NRDC: variants seen among roughly 807,000 people sequenced by gnomAD.
NRDC encodes the protein nardilysin.
NRDC carries 54 observed loss-of-function variants against 147.1 expected under a neutral mutation model. The observed-to-expected ratio is 0.37, with a 90% confidence interval of 0.29 to 0.46. The LOEUF is 0.46. Ranked by LOEUF, NRDC falls within the 20% of genes least tolerant of loss-of-function variation. The pLI is 1.00. For synonymous variants in NRDC, 440 were observed against 482.1 expected (o/e 0.91, Z 1.14); for missense variants, 1,082 against 1,370.6 (o/e 0.79, Z 3.33).
rs80119187 is a variant in NRDC at position 51,857,705 on chromosome 1, C to G, written c.342-17191G>C. Among the ~76,000 whole-genome samples the G allele has an allele frequency of 9.4e-3, 1,436 of 152,240 alleles. 24 individuals carry two copies. The highest frequency in any genetic ancestry group is 0.033 in the African/African-American group (1,369 of 41,536). Reference sequence around the variant, plus strand: ...GACTGGATCCATGATTGGATTGGATCTGATAATTAACTGACTTGGATTCAG... The same window carrying G: ...GACTGGATCCATGATTGGATTGGATGTGATAATTAACTGACTTGGATTCAG... On this transcript the variant is annotated intron_variant, in intron 1 of 30. Transcript: ENST00000352171.
chr1:51,858,832 A>G (rs761835177), intron 1 of NRDC, among the ~76,000 whole-genome samples: 1 of 152,200 alleles, frequency 6.6e-6, no homozygotes, highest in Non-Finnish European at 1.5e-5. Context: ...CTCTTCTGTA[A>G]AAGAAATTTA....
At chr1:51,811,269 A>G (rs943245704) in intron 15 of NRDC, among the ~76,000 whole-genome samples, 7 of 152,190 alleles carry the variant, frequency 4.6e-5, no homozygotes, top group African/African-American at 1.7e-4. Context: ...TAATTTCTTA[A>G]TCTCAGCACT....
Position 51,789,447 on chromosome 1 carries a change from A to G in NRDC, c.3259-14T>C. Reference sequence around the variant, plus strand: ...ATATCCAACAACCTGAAAGAGGACAAAGACAAAAGTGAAAAATATGCTGAC... The same window carrying G: ...ATATCCAACAACCTGAAAGAGGACAGAGACAAAAGTGAAAAATATGCTGAC... On this transcript the variant is annotated splice_polypyrimidine_tract_variant and intron_variant, in intron 30 of 30. Coordinates refer to ENST00000352171, the MANE Select transcript of NRDC (RefSeq NM_001101662.2). The G allele has an allele frequency of 6.2e-7, 1 of 1,613,646 alleles. No homozygotes were observed. The highest frequency in any genetic ancestry group is 8.5e-7 in the Non-Finnish European group (1 of 1,179,568).
chr1:51,789,314 A>G lies in NRDC; in HGVS notation c.3378T>C (p.Asp1126=), dbSNP rs1335845719. 1.9e-6 allele frequency: 3 copies of G among 1,614,162 alleles called. No homozygotes were observed. The highest frequency in any genetic ancestry group is 2.5e-6 in the Non-Finnish European group (3 of 1,180,004). The change falls in exon 31 of 31, where the codon GAT becomes GAC. Residue 1126 remains aspartate, a synonymous_variant. Coordinates refer to ENST00000352171, the MANE Select transcript of NRDC (RefSeq NM_001101662.2). ...TYLPTSPLLA[D]CIIPITDIRA... ...TGATATCAGTAATGGGGATGATACA[A>G]TCTGCCAGCAGAGGAGAGGTTGGCA...
At position 51,819,886 on chromosome 1, in the gene NRDC, C is replaced by G. The variant is rs775310812; in HGVS notation, c.1218-13G>C. On this transcript the variant is annotated splice_polypyrimidine_tract_variant and intron_variant, in intron 8 of 30. Transcript: ENST00000352171. ...TCTGGGTAACCCACTGAAAATAAAA[C>G]AAATACATACAAATTTAACTGGCAA... The G allele has an allele frequency of 6.3e-7, 1 of 1,590,508 alleles. No homozygotes were observed. Among genetic ancestry groups the G allele is most frequent in the Non-Finnish European group, 8.6e-7 (1 of 1,163,832 alleles).
At chr1:51,846,376 A>C (rs2897255) in intron 1 of NRDC, among the ~76,000 whole-genome samples, 1,545 of 152,322 alleles carry the variant, frequency 0.01, 27 homozygotes, top group African/African-American at 0.036. Flanking sequence ...GGTCTCCCAA[A>C]GTGCAGGAAT....
chr1:51,846,432 A>G (rs922046795), intron 1 of NRDC, among the ~76,000 whole-genome samples: 1 of 152,178 alleles, frequency 6.6e-6, no homozygotes, highest in Non-Finnish European at 1.5e-5. Flanking sequence ...ATAATTCTTA[A>G]AACATTTTCA....
At chr1:51,799,371 T>C (rs1679082694) in intron 21 of NRDC, among the ~76,000 whole-genome samples, 1 of 147,120 alleles carries the variant, frequency 6.8e-6, no homozygotes, top group African/African-American at 2.5e-5. Context: ...CAACAGGCCC[T>C]GGTGTGTGAT....
At position 51,814,082 on chromosome 1, in the gene NRDC, C is replaced by A; in HGVS notation, c.1627G>T (p.Glu543Ter). Residue 543 changes from glutamate to a stop codon, truncating the protein, a stop_gained, in exon 14 of 31, where the codon GAA becomes TAA. Coordinates refer to ENST00000352171, the MANE Select transcript of NRDC (RefSeq NM_001101662.2). LOFTEE classifies it high-confidence loss of function. ...TTATCCTCAATTTTCCGAATCTCTTCAAAAATTCTGTGAAGGAGAAAACTA... is the reference window on the plus strand; with the variant it reads ...TTATCCTCAATTTTCCGAATCTCTTAAAAAATTCTGTGAAGGAGAAAACTA... ...QKLGPEKRIFEEIRKIEDNEF... is the reference protein window; with the variant it reads ...QKLGPEKRIF The A allele has an allele frequency of 6.3e-7, 1 of 1,595,504 alleles. No homozygotes were observed. Among genetic ancestry groups the A allele is most frequent in the South Asian group, 1.1e-5 (1 of 90,332 alleles).
At chr1:51,847,842 CT>C (rs1681728821) in intron 1 of NRDC, among the ~76,000 whole-genome samples, 1 of 152,238 alleles carries the variant, frequency 6.6e-6, no homozygotes, top group African/African-American at 2.4e-5. Flanking sequence ...TGAAGAGCCC[CT>C]CAAGCACAGC....
rs1311138547 is a variant in NRDC, at chr1:51,803,904, A to G, written c.2223T>C (p.Tyr741=). ...ILTHNLAEPA[Y]EADVAQLEYK... is the part of the protein sequence containing the mutation. ...ACTCCAGCTGTGCCACATCTGCTTC[A>G]TAAGCTGGTTCCGCAAGGTTATGCG... The change falls in exon 20 of 31, where the codon TAT becomes TAC. Residue 741 remains tyrosine (Y), a synonymous_variant. Coordinates refer to ENST00000352171, the MANE Select transcript of NRDC (RefSeq NM_001101662.2). The G allele has an allele frequency of 1.2e-5, 19 of 1,613,748 alleles. No individual in the cohort carries two copies. The Admixed American group carries it at 2.5e-4, about 21-fold the overall frequency.
intron 8 of NRDC, 82 bp from the exon 9 acceptor site, chr1:51,819,955 T>C (rs1680140012): frequency 3.8e-6 from 4 of 1,042,942 alleles, no homozygotes; most frequent in East Asian, 5.1e-5. Flanking sequence ...AACTGAGAGA[T>C]ATTTATAATC....
intron 1 of NRDC, among the ~76,000 whole-genome samples, chr1:51,848,558 A>G (rs35026756): frequency 0.045 from 6,860 of 152,234 alleles, 191 homozygotes; most frequent in Middle Eastern, 0.065. Flanking sequence ...TATTACCTAG[A>G]ACAAGAGAAT....
chr1:51,790,243 CA>C (rs1557893396), intron 29 of NRDC, among the ~76,000 whole-genome samples: 1 of 152,180 alleles, frequency 6.6e-6, no homozygotes, highest in Non-Finnish European at 1.5e-5. Context: ...CTTTAAACGG[CA>C]AAACTCTTTT....
chr1:51,875,445 T>C (rs914493135), intron 1 of NRDC, among the ~76,000 whole-genome samples: 2 of 152,276 alleles, frequency 1.3e-5, no homozygotes, highest in African/African-American at 4.8e-5. Context: ...TTAAGCATTA[T>C]CTACTCTTTG....
intron 1 of NRDC, among the ~76,000 whole-genome samples, chr1:51,845,168 TG>T (rs915404600): frequency 1.3e-5 from 2 of 152,238 alleles, no homozygotes; most frequent in African/African-American, 4.8e-5. Context: ...ACTTTATTGT[TG>T]TTTCCTAAAC....
chr1:51,874,145 T>TAAA (rs539045743), intron 1 of NRDC, among the ~76,000 whole-genome samples: 1 of 129,168 alleles, frequency 7.7e-6, no homozygotes, highest in African/African-American at 2.8e-5. Flanking sequence ...TTTTAATCAT[T>TAAA]AAAAAAAAAA....
intron 25 of NRDC, 132 bp downstream of exon 25, chr1:51,792,245 C>T (rs1010380463): frequency 4.5e-6 from 6 of 1,320,434 alleles, no homozygotes; most frequent in African/African-American, 2.9e-5. Flanking sequence ...TGGGTGAGAA[C>T]AGTAAATGAC....
intron 1 of NRDC, among the ~76,000 whole-genome samples, chr1:51,846,315 T>C (rs1008275485): frequency 2.0e-5 from 3 of 152,134 alleles, no homozygotes; most frequent in Non-Finnish European, 4.4e-5. Context: ...GTTTTCACCA[T>C]GTTGGCCAGG....
Sources: gnomAD v4.1 joint callset for allele counts (sites outside exome capture counted in the v4.1 genomes callset) on GRCh38, gnomAD v4.1.1 for gene constraint, MANE v1.5 for transcripts, NCBI Gene and HGNC (gene_info 2026-07-23, HGNC 2026-07-21) for gene names.